CHRM3: variants seen among roughly 807,000 people sequenced by gnomAD.
CHRM3 encodes the protein muscarinic acetylcholine receptor M3.
A neutral mutation model predicts 41.8 loss-of-function variants in CHRM3; 11 were observed. The ratio of observed to expected loss-of-function variants is 0.26; its 90% confidence interval spans 0.17 to 0.44. The LOEUF (loss-of-function observed/expected upper bound fraction) is 0.44, where lower values mean the gene tolerates loss of function less well. CHRM3 is among the 20% of genes least tolerant of loss of function. CHRM3 has a pLI of 1.00. For missense variants in CHRM3, 571 were observed against 745.4 expected (o/e 0.77, Z 2.72); for synonymous variants, 297 against 301.4 (o/e 0.99, Z 0.15).
Position 239,908,640 on chromosome 1 carries a change from G to C in CHRM3, c.1189G>C (p.Gly397Arg), listed in dbSNP as rs966407999. The change falls in exon 7 of 7, where the codon GGG (glycine) becomes CGG (arginine). Residue 397 changes from glycine to arginine, a missense_variant. Gly to Arg is a moderately radical substitution (Grantham distance 125). Around this residue, in one of 5 missense-constraint regions of CHRM3, gnomAD observed 239 missense variants for 239.6 expected, o/e 1.00. Coordinates refer to ENST00000676153, the MANE Select transcript of CHRM3 (RefSeq NM_001375978.1). This position sits in a 1 kb window ranked among gnomAD's most constrained non-coding sequence, Gnocchi z 7.2. Reference protein sequence around the residue: ...DNLQVPEEELGMVDLERKADK... With the variant: ...DNLQVPEEELRMVDLERKADK... ...CCTGCAGGTGCCTGAGGAGGAGCTG[G>C]GGATGGTGGACTTGGAGAGGAAAGC... 11 of 1,611,778 alleles carry C rather than the reference G, an allele frequency of 6.8e-6. No individual in the cohort carries two copies. Among genetic ancestry groups the C allele is most frequent in the African/African-American group, 1.3e-5 (1 of 74,852 alleles).
At chr1:239,872,314 G>A (rs1475648410) in intron 6 of CHRM3, among the ~76,000 whole-genome samples, 1 of 152,186 alleles carries the variant, frequency 6.6e-6, no homozygotes, top group African/African-American at 2.4e-5. Flanking sequence ...TATAAAATGA[G>A]GTGATGAACT....
intron 1 of CHRM3, among the ~76,000 whole-genome samples, chr1:239,423,819 G>C (rs1662142413): frequency 6.6e-6 from 1 of 151,960 alleles, no homozygotes; most frequent in African/African-American, 2.4e-5. Flanking sequence ...ACTTTGTGGG[G>C]CCGAGGCGGG....
At chr1:239,578,456 A>G (rs1021638900) in intron 3 of CHRM3, among the ~76,000 whole-genome samples, 2 of 152,190 alleles carry the variant, frequency 1.3e-5, no homozygotes, top group African/African-American at 4.8e-5. Flanking sequence ...CCAAAAATCT[A>G]CAGGTCAAAA....
intron 4 of CHRM3, among the ~76,000 whole-genome samples, chr1:239,677,029 C>G (rs907030432): frequency 6.6e-6 from 1 of 152,106 alleles, no homozygotes; most frequent in Non-Finnish European, 1.5e-5. Flanking sequence ...TCTTTCTCCT[C>G]CCTCCCCATC....
intron 1 of CHRM3, among the ~76,000 whole-genome samples, chr1:239,476,111 A>G (rs1666452935): frequency 6.6e-6 from 1 of 152,082 alleles, no homozygotes; most frequent in Admixed American, 6.5e-5. Flanking sequence ...CTATCAGTGG[A>G]AATTATTTGA....
chr1:239,817,994 T>A (rs1339968844), intron 5 of CHRM3, among the ~76,000 whole-genome samples: 1 of 152,206 alleles, frequency 6.6e-6, no homozygotes, highest in Admixed American at 6.6e-5. Context: ...GTATGCCTGG[T>A]ATTTGGCACA....
chr1:239,752,131 A>G (rs955805057), intron 5 of CHRM3, among the ~76,000 whole-genome samples: 1 of 152,202 alleles, frequency 6.6e-6, no homozygotes, highest in African/African-American at 2.4e-5. Flanking sequence ...AATTAGTATC[A>G]TTGCAGCATA....
At chr1:239,650,671 G>A (rs576221322) in intron 4 of CHRM3, among the ~76,000 whole-genome samples, 213 of 152,264 alleles carry the variant, frequency 1.4e-3, no homozygotes, top group African/African-American at 4.7e-3. Context: ...TAATAAAAAT[G>A]GATTCATTTT....
chr1:239,489,589 A>G (rs1425993416), intron 1 of CHRM3, among the ~76,000 whole-genome samples: 1 of 152,178 alleles, frequency 6.6e-6, no homozygotes, highest in African/African-American at 2.4e-5. Context: ...GCCTTCAGTG[A>G]GCTGATCATC....
chr1:239,439,881 A>T (rs1307523039), intron 1 of CHRM3, among the ~76,000 whole-genome samples: 1 of 152,110 alleles, frequency 6.6e-6, no homozygotes, highest in African/African-American at 2.4e-5. Flanking sequence ...TGCAAAGAAG[A>T]TGGTCGATAT....
intron 5 of CHRM3, among the ~76,000 whole-genome samples, chr1:239,786,137 C>A (rs1303573486): frequency 6.6e-6 from 1 of 152,068 alleles, no homozygotes; most frequent in Non-Finnish European, 1.5e-5. Flanking sequence ...TAGCATTATC[C>A]TATAGTTATC....
At chr1:239,464,279 CA>C (rs748118542) in intron 1 of CHRM3, among the ~76,000 whole-genome samples, 1,108 of 72,810 alleles carry the variant, frequency 0.015, 9 homozygotes, top group East Asian at 0.11. Flanking sequence ...GACCCTGTCT[CA>C]AAAAAAAAAA....
chr1:239,403,979 GA>G (rs1558194634), intron 1 of CHRM3, among the ~76,000 whole-genome samples: 1,881 of 39,708 alleles, frequency 0.047, 40 homozygotes, highest in Non-Finnish European at 0.087. Flanking sequence ...GGGAGGGGGA[GA>G]GAGAGAGAGA....
At chr1:239,734,806 A>T in intron 5 of CHRM3, among the ~76,000 whole-genome samples, 1 of 152,126 alleles carries the variant, frequency 6.6e-6, no homozygotes, top group East Asian at 1.9e-4. Context: ...GCTTCAAAAC[A>T]ACCCAAGATG....
At chr1:239,825,198 A>G (rs1028422570) in intron 5 of CHRM3, among the ~76,000 whole-genome samples, 3 of 152,166 alleles carry the variant, frequency 2.0e-5, no homozygotes, top group Non-Finnish European at 4.4e-5. Flanking sequence ...AATCATGGTC[A>G]TTCGTATTTT....
At chr1:239,609,926 C>T (rs1271326121) in intron 3 of CHRM3, among the ~76,000 whole-genome samples, 1 of 152,094 alleles carries the variant, frequency 6.6e-6, no homozygotes, top group Non-Finnish European at 1.5e-5. Context: ...GGCGCAGTGG[C>T]TCAAGCCTGT....
chr1:239,747,132 A>T (rs1180807393), intron 5 of CHRM3, among the ~76,000 whole-genome samples: 1 of 152,304 alleles, frequency 6.6e-6, no homozygotes, highest in South Asian at 2.1e-4. Flanking sequence ...AAGAAAAATC[A>T]AAGTTAGCTT....
chr1:239,555,279 C>T (rs911148275), intron 3 of CHRM3, among the ~76,000 whole-genome samples: 4 of 152,170 alleles, frequency 2.6e-5, no homozygotes, highest in African/African-American at 9.7e-5. Flanking sequence ...TTTAAGTCTT[C>T]TCTGTGCTGA....
At chr1:239,791,522 G>A (rs1669350304) in intron 5 of CHRM3, among the ~76,000 whole-genome samples, 1 of 152,150 alleles carries the variant, frequency 6.6e-6, no homozygotes, top group African/African-American at 2.4e-5. Flanking sequence ...CCTCTTTAGT[G>A]GCTGTAGAAA....
Sources: allele counts gnomAD v4.1 joint callset (sites outside exome capture counted in the v4.1 genomes callset), GRCh38; gene constraint gnomAD v4.1.1; regional missense constraint gnomAD v4.1.1; non-coding constraint Gnocchi (gnomAD v3.1); transcripts MANE v1.5; gene names NCBI Gene and HGNC (gene_info 2026-07-23, HGNC 2026-07-21).